TNFAIP3: variants seen among roughly 807,000 people sequenced by gnomAD.
TNFAIP3 encodes the protein TNF alpha induced protein 3, also known as tumor necrosis factor alpha-induced protein 3.
Under a neutral mutation model 72.4 loss-of-function variants are expected in TNFAIP3, and 9 were observed. That is an observed-to-expected ratio of 0.12 (90% CI 0.07 to 0.22). TNFAIP3 has a LOEUF of 0.22. Ranked by LOEUF, TNFAIP3 falls within the 10% of genes least tolerant of loss-of-function variation. TNFAIP3 has a pLI of 1.00. For missense variants in TNFAIP3, 833 were observed against 1,018.7 expected, an observed-to-expected ratio of 0.82 and a Z score of 2.48; for synonymous variants, 339 against 372.6, an observed-to-expected ratio of 0.91 and a Z score of 1.04.
intron 1 of TNFAIP3, among the ~76,000 whole-genome samples, chr6:137,870,946 G>T (rs1282932829): frequency 6.6e-6 from 1 of 152,174 alleles, no homozygotes; most frequent in Non-Finnish European, 1.5e-5. Context: ...TGAAAACACG[G>T]GTTATTCCCC....
intron 3 of TNFAIP3, 26 bp from the exon 4 acceptor site, chr6:137,875,662 C>CT (rs34143521): frequency 1.3e-4 from 213 of 1,612,134 alleles, no homozygotes; most frequent in Non-Finnish European, 1.7e-4. Context: ...TACATTCAAG[C>CT]TTTTTTTTCA....
chr6:137,870,092 C>A (rs1221320109), intron 1 of TNFAIP3, among the ~76,000 whole-genome samples: 3 of 152,296 alleles, frequency 2.0e-5, no homozygotes, highest in Non-Finnish European at 4.4e-5. Context: ...TCCTTGTCTA[C>A]TTCTAGATTT....
chr6:137,875,167 A>C, intron 3 of TNFAIP3, 132 bp downstream of exon 3: 7 of 1,040,462 alleles, frequency 6.7e-6, no homozygotes, highest in Admixed American at 2.3e-5. Flanking sequence ...AAGCATACTC[A>C]ATGGAAAACA....
At chr6:137,877,853 A>G (rs1288689097) in intron 6 of TNFAIP3, among the ~76,000 whole-genome samples, 1 of 152,232 alleles carries the variant, frequency 6.6e-6, no homozygotes, top group African/African-American at 2.4e-5. Context: ...GCCGTAAGAG[A>G]ATCTGTCTCT....
At chr6:137,880,318 T>C in intron 8 of TNFAIP3, 66 bp downstream of exon 8, 1 of 1,551,300 alleles carries the variant, frequency 6.4e-7, no homozygotes, top group Non-Finnish European at 8.8e-7. Flanking sequence ...GAGCGTTTTC[T>C]ACCGACAGTG....
intron 1 of TNFAIP3, among the ~76,000 whole-genome samples, chr6:137,868,699 T>TAAAAAA (rs5880363): frequency 5.4e-5 from 8 of 148,586 alleles, no homozygotes; most frequent in African/African-American, 1.7e-4. Flanking sequence ...TAACAAATGT[T>TAAAAAA]AAAAAAAAAA....
In TNFAIP3 at chr6:137,882,678, C is replaced by T. The variant is rs1287578902; in HGVS notation, c.*1359C>T. On this transcript the variant is annotated 3_prime_UTR_variant, in exon 9 of 9. Transcript: ENST00000612899. ...GCAATGGTCACAGGGAAAGATGTGG[C>T]CTTTTGTGATGGTTTTATTTTCTGT... The T allele has an allele frequency of 4.3e-6, 1 of 232,714 alleles. No individual in the cohort carries two copies. Among genetic ancestry groups the T allele is most frequent in the Admixed American group, 5.6e-5 (1 of 17,748 alleles). 14.4% of individuals were successfully genotyped at this position (232,714 alleles called of 1,614,324 possible). A position where few individuals can be genotyped will look rare whatever the true frequency, so the allele number is the denominator to read the frequency against.
chr6:137,882,412 T>C lies in TNFAIP3; in HGVS notation c.*1093T>C, dbSNP rs1776493769. On this transcript the variant is annotated 3_prime_UTR_variant, in exon 9 of 9. Transcript: ENST00000612899. ...CCTGAGAGAACATCCTTGCTTTGAG[T>C]CAGGCTGTGGGCAAGTTCCTGACCA... 1 of 232,906 alleles carries C rather than the reference T, an allele frequency of 4.3e-6. No individual in the cohort carries two copies. Among genetic ancestry groups the C allele is most frequent in the South Asian group, 1.8e-4 (1 of 5,512 alleles). The allele number at this position is 232,906 out of a possible 1,614,324, so 14.4% of individuals were successfully genotyped here.
chr6:137,879,165 C>G lies in TNFAIP3; in HGVS notation c.1720C>G (p.Pro574Ala). 6.2e-7 allele frequency: 1 copy of G among 1,614,154 alleles called. No individual in the cohort carries two copies. Among genetic ancestry groups the G allele is most frequent in the East Asian group, 2.2e-5 (1 of 44,882 alleles). ...AGATCCCTCGCGGCTCGTCCGGAGC[C>G]CCTCCCCGCATTCTTGCCACAGAGC... The part of the protein sequence containing the change: ...KSDPSRLVRS[P>A]SPHSCHRAGN... Residue 574 changes from proline to alanine, a missense_variant, in exon 7 of 9, where the codon CCC becomes GCC. Physicochemically the swap from Pro to Ala is conservative, Grantham distance 27 (BLOSUM62 -1). This residue lies in a region of TNFAIP3 where 587 missense variants were observed against 657.8 expected (regional missense o/e 0.89). Coordinates refer to ENST00000612899, the MANE Select transcript of TNFAIP3 (RefSeq NM_001270508.2).
rs1776336783 is a variant in TNFAIP3, at chr6:137,878,774, T to C, written c.1329T>C (p.Tyr443=). The C allele has an allele frequency of 3.1e-6, 5 of 1,614,008 alleles. No individual in the cohort carries two copies. Among genetic ancestry groups the C allele is most frequent in the Non-Finnish European group, 4.2e-6 (5 of 1,180,040 alleles). ...TCGGGGCCTCTCGGGGAGAAGCCTA[T>C]GAGCCCTTGGCGTGGAACCCTGAGG... ...MALGASRGEA[Y]EPLAWNPEES... The change falls in exon 7 of 9, where the codon TAT becomes TAC. Residue 443 remains tyrosine, a synonymous_variant. Transcript: ENST00000612899.
At chr6:137,878,370 A>G (rs547262552) in intron 6 of TNFAIP3, 62 bp from the exon 7 acceptor site, 344 of 1,417,368 alleles carry the variant, frequency 2.4e-4, no homozygotes, top group Admixed American at 7.2e-4. Flanking sequence ...TGAGCTAATG[A>G]TGTAAAATCT....
In TNFAIP3 at chr6:137,871,164, T is replaced by A. The variant is rs1447150061; in HGVS notation, c.-15-49T>A. Reference sequence around the variant, plus strand: ...TGCAGGCAGCTATAGAGGAGTCGTATTAAAGTCAGGCTAATAGAATGGCTT... The same window carrying A: ...TGCAGGCAGCTATAGAGGAGTCGTAATAAAGTCAGGCTAATAGAATGGCTT... On this transcript the variant is annotated intron_variant, in intron 1 of 8. Transcript: ENST00000612899. This position sits in a 1 kb window ranked among gnomAD's most constrained non-coding sequence, Gnocchi z 4.2. 3.4e-5 allele frequency: 52 copies of A among 1,526,578 alleles called. No homozygotes were observed. The highest frequency in any genetic ancestry group is 4.6e-5 in the Non-Finnish European group (52 of 1,139,090). 94.6% of individuals were successfully genotyped at this position (1,526,578 alleles called of 1,614,324 possible).
rs755526418 is a variant in TNFAIP3, at chr6:137,879,257, G to A, written c.1812G>A (p.Thr604=). 7.4e-6 allele frequency: 12 copies of A among 1,614,096 alleles called. No individual in the cohort carries two copies. The highest frequency in any genetic ancestry group is 5.0e-5 in the Admixed American group (3 of 60,012). ...AARTPGDRTG[T]SKCRKAGCVY... ...GGACTCCTGGGGACAGGACGGGGAC[G>A]AGCAAGTGCAGAAAAGCCGGCTGCG... The change falls in exon 7 of 9, where the codon ACG becomes ACA. Residue 604 remains threonine (T), a synonymous_variant. Transcript: ENST00000612899.
In TNFAIP3 at chr6:137,871,365, C is replaced by T. The variant is rs1011017009; in HGVS notation, c.138C>T (p.Tyr46=). Residue 46 remains tyrosine, a synonymous_variant, in exon 2 of 9, where the codon TAC becomes TAT. Transcript: ENST00000612899. This position sits in a 1 kb window ranked among gnomAD's most constrained non-coding sequence, Gnocchi z 4.2. The part of the protein sequence containing the change: ...IIHHFKTMHR[Y]TLEMFRTCQF... ...ATCATTTTAAAACCATGCACCGATACACACTGGAAATGTTCAGAACTTGCC... is the reference window on the plus strand; with the variant it reads ...ATCATTTTAAAACCATGCACCGATATACACTGGAAATGTTCAGAACTTGCC... 3.7e-6 allele frequency: 6 copies of T among 1,614,194 alleles called. No homozygotes were observed. The highest frequency in any genetic ancestry group is 5.1e-6 in the Non-Finnish European group (6 of 1,180,024).
chr6:137,867,039 C>A (rs566754382), upstream of TNFAIP3: 2 of 21,488 alleles, frequency 9.3e-5, no homozygotes, highest in South Asian at 1.4e-3. This position sits in a 1 kb window ranked among gnomAD's most constrained non-coding sequence, Gnocchi z 6.0. Context: ...AGGGACCGGG[C>A]GGGGCGGGGC....
In TNFAIP3 at chr6:137,878,770, C is replaced by A; in HGVS notation, c.1325C>A (p.Ala442Asp). ...GCGCTCGGGGCCTCTCGGGGAGAAG[C>A]CTATGAGCCCTTGGCGTGGAACCCT... ...GMALGASRGE[A>D]YEPLAWNPEE... is the part of the protein sequence containing the mutation. The change falls in exon 7 of 9, where the codon GCC becomes GAC. Residue 442 changes from alanine (A) to aspartate (D), a missense_variant. Physicochemically the swap from Ala to Asp is moderately radical, Grantham distance 126. Transcript: ENST00000612899. 2 of 1,614,116 alleles carry A rather than the reference C, an allele frequency of 1.2e-6. No homozygotes were observed. Among genetic ancestry groups the A allele is most frequent in the Non-Finnish European group, 1.7e-6 (2 of 1,180,040 alleles).
Position 137,871,324 on chromosome 6 carries a change from A to G in TNFAIP3, c.97A>G (p.Thr33Ala), listed in dbSNP as rs746536779. 1 of 1,614,168 alleles carries G rather than the reference A, an allele frequency of 6.2e-7. No individual in the cohort carries two copies. The highest frequency in any genetic ancestry group is 8.5e-7 in the Non-Finnish European group (1 of 1,180,038). ...ERTPEDIFKP[T>A]NGIIHHFKTM... is the part of the protein sequence containing the mutation. ...AACTCCAGAAGACATTTTTAAACCT[A>G]CTAATGGGATCATTCATCATTTTAA... is the stretch of plus-strand genomic sequence containing the variant. The change falls in exon 2 of 9, where the codon ACT becomes GCT. Residue 33 changes from threonine (T) to alanine (A), a missense_variant. This residue lies in a region of TNFAIP3 where 246 missense variants were observed against 360.9 expected (regional missense o/e 0.68). Transcript: ENST00000612899. This position sits in a 1 kb window ranked among gnomAD's most constrained non-coding sequence, Gnocchi z 4.2.
At position 137,875,804 on chromosome 6, in the gene TNFAIP3, C is replaced by T. The variant is rs1361788587; in HGVS notation, c.603C>T (p.Asn201=). 1 of 1,614,094 alleles carries T rather than the reference C, an allele frequency of 6.2e-7. No individual in the cohort carries two copies. The highest frequency in any genetic ancestry group is 1.3e-5 in the African/African-American group (1 of 74,926). The change falls in exon 4 of 9, where the codon AAC becomes AAT. Residue 201 remains asparagine (N), a synonymous_variant. Coordinates refer to ENST00000612899, the MANE Select transcript of TNFAIP3 (RefSeq NM_001270508.2). ...LEEIHIFVLC[N]ILRRPIIVIS... ...AAATACACATATTTGTCCTTTGCAA[C>T]ATCCTCAGAAGGCCAATCATTGTCA...
At position 137,878,814 on chromosome 6, in the gene TNFAIP3, C is replaced by T. The variant is rs2114500093; in HGVS notation, c.1369C>T (p.Pro457Ser). ...GAACCCTGAGGAGTCCACTGGGGGG[C>T]CTCATTCGGCCCCACCGACAGCACC... ...AWNPEESTGG[P>S]HSAPPTAPSP... Residue 457 changes from proline (P) to serine (S), a missense_variant, in exon 7 of 9, where the codon CCT becomes TCT. Pro to Ser is a moderately conservative substitution (Grantham distance 74). This residue lies in a region of TNFAIP3 where 587 missense variants were observed against 657.8 expected (regional missense o/e 0.89). Coordinates refer to ENST00000612899, the MANE Select transcript of TNFAIP3 (RefSeq NM_001270508.2). 6.2e-7 allele frequency: 1 copy of T among 1,614,074 alleles called. No individual in the cohort carries two copies. Among genetic ancestry groups the T allele is most frequent in the East Asian group, 2.2e-5 (1 of 44,884 alleles).
Sources: gnomAD v4.1 joint callset for allele counts (sites outside exome capture counted in the v4.1 genomes callset) on GRCh38, gnomAD v4.1.1 for gene constraint, gnomAD v4.1.1 regional missense constraint, Gnocchi (gnomAD v3.1) non-coding constraint, MANE v1.5 for transcripts, NCBI Gene and HGNC (gene_info 2026-07-23, HGNC 2026-07-21) for gene names.